Variants in FLNB observed in about 807,000 individuals in gnomAD.
The protein encoded by FLNB is filamin-B.
FLNB carries 111 observed loss-of-function variants against 250.6 expected under a neutral mutation model. That is an observed-to-expected ratio of 0.44 (90% confidence interval 0.38 to 0.52). FLNB has a LOEUF of 0.52. Among genes scored for constraint, FLNB ranks in the 20% least tolerant of loss-of-function variants. The pLI is 0.00. For synonymous variants in FLNB, 1,302 were observed against 1,372.1 expected, an observed-to-expected ratio of 0.95 and a Z score of 1.13; for missense variants, 2,869 against 3,447.8, an observed-to-expected ratio of 0.83 and a Z score of 4.20.
At chr3:58,128,136 A>G (rs1400766819) in intron 24 of FLNB, among the ~76,000 whole-genome samples, 3 of 152,206 alleles carry the variant, frequency 2.0e-5, no homozygotes, top group Non-Finnish European at 4.4e-5. Context: ...GGGGAAGGGC[A>G]GGTTGAGGGG....
chr3:58,109,915 C>A (rs748539908), intron 15 of FLNB, 95 bp from the exon 16 acceptor site: 1 of 1,520,930 alleles, frequency 6.6e-7, no homozygotes, highest in Non-Finnish European at 9.1e-7. Context: ...AGAAACTTCC[C>A]AATTGCTTTT....
chr3:58,144,181 G>C (rs1278207362), intron 32 of FLNB, among the ~76,000 whole-genome samples: 1 of 152,214 alleles, frequency 6.6e-6, no homozygotes, highest in Admixed American at 6.5e-5. Flanking sequence ...TACGAAGAAA[G>C]TTTTCCTTCC....
chr3:58,145,033 A>G (rs1331773366), intron 32 of FLNB, among the ~76,000 whole-genome samples: 1 of 152,198 alleles, frequency 6.6e-6, no homozygotes, highest in East Asian at 1.9e-4. Context: ...TTTCTCTGAG[A>G]TTGGCATTTA....
intron 29 of FLNB, among the ~76,000 whole-genome samples, chr3:58,140,220 T>C (rs1220618610): frequency 6.6e-6 from 1 of 152,208 alleles, no homozygotes; most frequent in Non-Finnish European, 1.5e-5. Flanking sequence ...TCATAGCAAA[T>C]GTCTCAAGGA....
At chr3:58,076,290 C>T (rs1224573243) in intron 1 of FLNB, among the ~76,000 whole-genome samples, 1 of 152,098 alleles carries the variant, frequency 6.6e-6, no homozygotes, top group Non-Finnish European at 1.5e-5. Flanking sequence ...AAAATTCCTA[C>T]CTATCGAAAA....
intron 29 of FLNB, among the ~76,000 whole-genome samples, chr3:58,141,561 A>G (rs2097327059): frequency 6.6e-6 from 1 of 152,208 alleles, no homozygotes; most frequent in Non-Finnish European, 1.5e-5. Flanking sequence ...GTTTTGCACG[A>G]CCACAGACAG....
rs2097379003 is a variant in FLNB at position 58,169,947 on chromosome 3, C to T, written c.7621+154C>T. On this transcript the variant is annotated intron_variant, in intron 45 of 45. Transcript: ENST00000295956. This position sits in a 1 kb window ranked among gnomAD's most constrained non-coding sequence, Gnocchi z 4.8. ...CCATCGTCATGACCCTGTTCTCCTG[C>T]ACTTAATATTTTTAAATGATTTCCT... Among the ~76,000 whole-genome samples, 1 of 152,170 alleles carries T rather than the reference C, an allele frequency of 6.6e-6. No individual in the cohort carries two copies. Among genetic ancestry groups the T allele is most frequent in the Non-Finnish European group, 1.5e-5 (1 of 68,032 alleles).
chr3:58,060,064 AG>A (rs1559664438), intron 1 of FLNB, among the ~76,000 whole-genome samples: 1 of 152,244 alleles, frequency 6.6e-6, no homozygotes, highest in African/African-American at 2.4e-5. Context: ...GTAAGGATTC[AG>A]GGGGGTAACT....
At chr3:58,139,987 A>G (rs2097323832) in intron 29 of FLNB, among the ~76,000 whole-genome samples, 1 of 152,196 alleles carries the variant, frequency 6.6e-6, no homozygotes, top group Non-Finnish European at 1.5e-5. Flanking sequence ...CTGAATACAC[A>G]CAAAGCAAGA....
At chr3:58,156,224 T>C (rs923552156) in intron 41 of FLNB, 149 bp downstream of exon 41, 34 of 668,486 alleles carry the variant, frequency 5.1e-5, no homozygotes, top group Non-Finnish European at 5.3e-6. Context: ...GGAGCTTTCC[T>C]GTGGCAGAGT....
intron 4 of FLNB, among the ~76,000 whole-genome samples, chr3:58,089,790 G>A (rs144290043): frequency 4.3e-4 from 65 of 152,164 alleles, no homozygotes; most frequent in African/African-American, 1.5e-3. Flanking sequence ...GACAACAATT[G>A]GTTGTTTTGT....
At chr3:58,084,927 A>T (rs759165593) in intron 4 of FLNB, among the ~76,000 whole-genome samples, 6 of 152,174 alleles carry the variant, frequency 3.9e-5, no homozygotes, top group Non-Finnish European at 8.8e-5. Flanking sequence ...AAGTAGAATC[A>T]TATGCTGTCT....
rs755629097 is a variant in FLNB, at chr3:58,150,002, G to A, written c.6244G>A (p.Gly2082Arg). 21 of 1,614,142 alleles carry A rather than the reference G, an allele frequency of 1.3e-5. No homozygotes were observed. Among genetic ancestry groups the A allele is most frequent in the Non-Finnish European group, 1.7e-5 (20 of 1,180,054 alleles). The change falls in exon 37 of 46, where the codon GGG becomes AGG. Residue 2082 changes from glycine to arginine, a missense_variant and splice_region_variant. Physicochemically the swap from Gly to Arg is moderately radical, Grantham distance 125. Transcript: ENST00000295956. ...CAAATTCGCTGACGAGCACGTGCCT[G>A]GTATGTGCATTCCATTCCCCTCCAG... is the stretch of plus-strand genomic sequence containing the variant. ...STKFADEHVP[G>R]SPFTVKISGE...
At chr3:58,108,984 A>G (rs1053100484) in intron 13 of FLNB, among the ~76,000 whole-genome samples, 195 bp from the exon 14 acceptor site, 5 of 152,260 alleles carry the variant, frequency 3.3e-5, no homozygotes, top group Non-Finnish European at 7.3e-5. Flanking sequence ...CTTAATAACT[A>G]AAAATAAATA....
intron 38 of FLNB, among the ~76,000 whole-genome samples, chr3:58,152,017 C>T (rs2097345950): frequency 6.6e-6 from 1 of 152,226 alleles, no homozygotes; most frequent in Non-Finnish European, 1.5e-5. Context: ...GTTTTCTTTT[C>T]ATTTGCTTTA....
chr3:58,010,352 C>T (rs1253242454), intron 1 of FLNB, among the ~76,000 whole-genome samples: 1 of 152,186 alleles, frequency 6.6e-6, no homozygotes, highest in African/African-American at 2.4e-5. Context: ...GCCTTAGGGC[C>T]TCACCCTTCC....
At chr3:58,020,228 AGG>A (rs1416572864) in intron 1 of FLNB, among the ~76,000 whole-genome samples, 1 of 152,120 alleles carries the variant, frequency 6.6e-6, no homozygotes, top group Non-Finnish European at 1.5e-5. Flanking sequence ...AACTGGTGGG[AGG>A]GTGTGCTGGG....
At chr3:58,068,153 A>T (rs547499732) in intron 1 of FLNB, among the ~76,000 whole-genome samples, 43 of 152,232 alleles carry the variant, frequency 2.8e-4, no homozygotes, top group Non-Finnish European at 6.0e-4. Flanking sequence ...TTTGAAAGAC[A>T]GGCACAGCAC....
chr3:58,121,331 C>G lies in FLNB; in HGVS notation c.2954C>G (p.Ser985Cys). 6.2e-7 allele frequency: 1 copy of G among 1,614,194 alleles called. No homozygotes were observed. The highest frequency in any genetic ancestry group is 1.3e-5 in the African/African-American group (1 of 75,044). Residue 985 changes from serine to cysteine, a missense_variant, in exon 20 of 46, where the codon TCT (serine) becomes TGT (cysteine). Physicochemically the swap from Ser to Cys is moderately radical, Grantham distance 112. Around this residue, in one of 5 missense-constraint regions of FLNB, gnomAD observed 1,348 missense variants for 1,466.7 expected, o/e 0.92. Transcript: ENST00000295956. Reference protein sequence around the residue: ...GKLDVTILSPSRKVVPCLVTP... With the variant: ...GKLDVTILSPCRKVVPCLVTP... Reference sequence around the variant, plus strand: ...CTGGACGTGACAATCCTCAGCCCCTCTCGGAAGGTCGTGCCATGCCTAGTG... The same window carrying G: ...CTGGACGTGACAATCCTCAGCCCCTGTCGGAAGGTCGTGCCATGCCTAGTG...
Sources: allele counts gnomAD v4.1 joint callset (sites outside exome capture counted in the v4.1 genomes callset), GRCh38; gene constraint gnomAD v4.1.1; regional missense constraint gnomAD v4.1.1; non-coding constraint Gnocchi (gnomAD v3.1); transcripts MANE v1.5; gene names NCBI Gene and HGNC (gene_info 2026-07-23, HGNC 2026-07-21).